The following PPIP5K1 variants were observed in gnomAD, a reference collection of about 807,000 sequenced individuals.
PPIP5K1 encodes the protein diphosphoinositol pentakisphosphate kinase 1, also known as inositol hexakisphosphate and diphosphoinositol-pentakisphosphate kinase 1.
PPIP5K1 carries 6 observed loss-of-function variants against 27.7 expected under a neutral mutation model. The ratio of observed to expected loss-of-function variants is 0.22; its 90% CI spans 0.12 to 0.43. The LOEUF (loss-of-function observed/expected upper bound fraction) is 0.43, where lower values mean the gene tolerates loss of function less well. PPIP5K1 is among the 20% of genes least tolerant of loss of function. The pLI is 1.00. For missense variants in PPIP5K1, 394 were observed against 635.4 expected (o/e 0.62, Z 4.08); for synonymous variants, 145 against 242.6 (o/e 0.60, Z 3.74).
intron 30 of PPIP5K1, among the ~76,000 whole-genome samples, chr15:43,541,581 G>C (rs2080721304): frequency 6.6e-6 from 1 of 152,048 alleles, no homozygotes; most frequent in Non-Finnish European, 1.5e-5. Flanking sequence ...GCCAGGCGTG[G>C]TGGTGGGCGC....
chr15:43,547,860 G>A (rs1328935927), intron 30 of PPIP5K1, among the ~76,000 whole-genome samples: 3 of 152,156 alleles, frequency 2.0e-5, no homozygotes, highest in Non-Finnish European at 4.4e-5. Context: ...TGAATTAGAG[G>A]AGTCAGCTTT....
intron 30 of PPIP5K1, among the ~76,000 whole-genome samples, chr15:43,549,816 C>A (rs1402771980): frequency 6.6e-6 from 1 of 151,944 alleles, no homozygotes; most frequent in South Asian, 2.1e-4. Context: ...ACAAAAAATA[C>A]AAAAATTAGC....
chr15:43,557,829 CT>C (rs749398933), intron 30 of PPIP5K1, among the ~76,000 whole-genome samples: 245 of 125,802 alleles, frequency 1.9e-3, no homozygotes, highest in African/African-American at 4.2e-3. Flanking sequence ...CATGCATAGC[CT>C]TTTTTTTTTT....
intron 10 of PPIP5K1, among the ~76,000 whole-genome samples, chr15:43,579,649 A>T (rs1442172265): frequency 5.1e-5 from 3 of 58,924 alleles, no homozygotes; most frequent in Admixed American, 1.9e-4. Context: ...ATATATATAT[A>T]TATATTTTTT....
At chr15:43,559,634 G>C (rs2083520014) in intron 29 of PPIP5K1, among the ~76,000 whole-genome samples, 1 of 151,994 alleles carries the variant, frequency 6.6e-6, no homozygotes, top group South Asian at 2.1e-4. Context: ...AGAAAAATGA[G>C]GCAAATGCCC....
intron 31 of PPIP5K1, among the ~76,000 whole-genome samples, chr15:43,538,571 G>T (rs952887414): frequency 2.0e-5 from 3 of 151,730 alleles, no homozygotes; most frequent in African/African-American, 7.3e-5. Flanking sequence ...TTGTTGCCCA[G>T]GCTGGAGTGC....
chr15:43,552,611 CAG>C (rs1491043432), intron 30 of PPIP5K1, among the ~76,000 whole-genome samples: 1 of 149,614 alleles, frequency 6.7e-6, no homozygotes, highest in African/African-American at 2.5e-5. Flanking sequence ...TCCAGCTACT[CAG>C]GGGGTGAGTA....
intron 30 of PPIP5K1, among the ~76,000 whole-genome samples, chr15:43,543,952 A>C (rs2081081120): frequency 6.6e-6 from 1 of 152,060 alleles, no homozygotes; most frequent in Non-Finnish European, 1.5e-5. Flanking sequence ...TTCTAAAGTT[A>C]TTGAAAAATT....
intron 31 of PPIP5K1, chr15:43,536,358 G>A (rs2079857255): frequency 4.5e-6 from 1 of 223,646 alleles, no homozygotes; most frequent in Non-Finnish European, 9.1e-6. Flanking sequence ...GGTGGAGGTT[G>A]CAGTGAGCCG....
At chr15:43,549,444 A>C (rs1161017476) in intron 30 of PPIP5K1, among the ~76,000 whole-genome samples, 2 of 151,914 alleles carry the variant, frequency 1.3e-5, no homozygotes, top group Non-Finnish European at 1.5e-5. Flanking sequence ...TGGCAGGATC[A>C]CTTGAAGCCA....
At chr15:43,538,927 A>T (rs2080283468) in intron 31 of PPIP5K1, among the ~76,000 whole-genome samples, 1 of 152,224 alleles carries the variant, frequency 6.6e-6, no homozygotes, top group Non-Finnish European at 1.5e-5. Context: ...TTTCTTCCCC[A>T]AAGAGCGCTT....
intron 30 of PPIP5K1, among the ~76,000 whole-genome samples, chr15:43,544,173 G>A (rs995366032): frequency 2.0e-5 from 3 of 151,972 alleles, no homozygotes; most frequent in Non-Finnish European, 4.4e-5. Context: ...TAAATCTGAG[G>A]TAATAAATTT....
At chr15:43,552,359 A>G (rs1031153946) in intron 30 of PPIP5K1, among the ~76,000 whole-genome samples, 1 of 151,918 alleles carries the variant, frequency 6.6e-6, no homozygotes, top group Non-Finnish European at 1.5e-5. Flanking sequence ...ATTCATCTCA[A>G]AGTATAATCT....
At chr15:43,585,887 CGACACA>C in intron 1 of PPIP5K1, among the ~76,000 whole-genome samples, 1 of 131,328 alleles carries the variant, frequency 7.6e-6, no homozygotes, top group Non-Finnish European at 1.7e-5. Context: ...CCAGCCTGGG[CGACACA>C]AAAATACCCT....
chr15:43,550,715 A>G (rs543780403), intron 30 of PPIP5K1, among the ~76,000 whole-genome samples: 3 of 152,272 alleles, frequency 2.0e-5, no homozygotes, highest in African/African-American at 7.2e-5. Flanking sequence ...TCAGTGTTAC[A>G]CTACTGAGTA....
At chr15:43,557,657 T>TTCTCTCTC (rs746074120) in intron 30 of PPIP5K1, among the ~76,000 whole-genome samples, 1 of 149,160 alleles carries the variant, frequency 6.7e-6, no homozygotes, top group African/African-American at 2.5e-5. Flanking sequence ...TCTCTTCTCT[T>TTCTCTCTC]TCTCTCTCTC....
intron 31 of PPIP5K1, chr15:43,537,344 C>CAAAAAA (rs375557879): frequency 2.2e-4 from 18 of 83,510 alleles, no homozygotes; most frequent in East Asian, 1.8e-3. Context: ...GACTCCACCT[C>CAAAAAA]AAAAAAAAAA....
intron 26 of PPIP5K1, among the ~76,000 whole-genome samples, chr15:43,565,501 C>G (rs1271018901): frequency 7.2e-6 from 1 of 139,048 alleles, no homozygotes; most frequent in Admixed American, 7.1e-5. Context: ...CCAACATCCC[C>G]TCCCTTCAGG....
chr15:43,537,064 C>T (rs758029173), intron 31 of PPIP5K1, among the ~76,000 whole-genome samples: 26 of 151,934 alleles, frequency 1.7e-4, no homozygotes, highest in Non-Finnish European at 2.9e-4. Flanking sequence ...GGGCTGGACA[C>T]GGTGGCTCAT....
Sources: gnomAD v4.1 joint callset for allele counts (sites outside exome capture counted in the v4.1 genomes callset) on GRCh38, gnomAD v4.1.1 for gene constraint, MANE v1.5 for transcripts, NCBI Gene and HGNC (gene_info 2026-07-23, HGNC 2026-07-21) for gene names.